SOX30: variants seen among roughly 807,000 people sequenced by gnomAD.
SOX30 encodes transcription factor SOX-30.
SOX30 carries 17 observed loss-of-function variants against 58.6 expected under a neutral mutation model. The observed-to-expected ratio is 0.29, with a 90% CI of 0.20 to 0.44. The LOEUF (loss-of-function observed/expected upper bound fraction) is 0.44, where lower values mean the gene tolerates loss of function less well. Among genes scored for constraint, SOX30 ranks in the 20% least tolerant of loss-of-function variants. The pLI, the probability that SOX30 is intolerant of heterozygous loss-of-function variation, is 1.00. For synonymous variants in SOX30, 421 were observed against 400.2 expected (o/e 1.05, Z -0.62); for missense variants, 951 against 965.8 (o/e 0.98, Z 0.20).
At chr5:157,629,968 T>C (rs1488958912) in intron 4 of SOX30, among the ~76,000 whole-genome samples, 82 of 152,200 alleles carry the variant, frequency 5.4e-4, no homozygotes, top group Non-Finnish European at 5.9e-5. Flanking sequence ...CTGATCCTTG[T>C]ATCCTTCTTA....
Position 157,666,607 on chromosome 5 carries a change from CAT to C in SOX30, c.52+1189_52+1190del, listed in dbSNP as rs538861943. ...AGCATATTAACATTTATTGAGCACT[CAT>C]GTGCCAGGTATAAGGCCCAGCTCTT... On this transcript the variant is annotated intron_variant, in intron 2 of 5. Transcript: ENST00000519442. Among the ~76,000 whole-genome samples the C allele has an allele frequency of 2.1e-3, 322 of 152,198 alleles. 2 individuals carry two copies. The highest frequency in any genetic ancestry group is 7.5e-3 in the African/African-American group (311 of 41,540).
upstream of SOX30, among the ~76,000 whole-genome samples, chr5:157,655,892 A>T (rs1307066204): frequency 1.3e-5 from 2 of 152,220 alleles, no homozygotes; most frequent in African/African-American, 4.8e-5. Flanking sequence ...TTGTTCTGTC[A>T]TAAAGAGGGG....
intron 4 of SOX30, among the ~76,000 whole-genome samples, chr5:157,627,179 T>C (rs1363264052): frequency 2.0e-5 from 3 of 151,790 alleles, no homozygotes; most frequent in Non-Finnish European, 4.4e-5. Flanking sequence ...CTGGCCAACA[T>C]AGTGAAACCC....
intron 2 of SOX30, among the ~76,000 whole-genome samples, chr5:157,665,059 A>G (rs1201458552): frequency 6.6e-6 from 1 of 152,238 alleles, no homozygotes; most frequent in Non-Finnish European, 1.5e-5. Context: ...AAGGATCTAG[A>G]ACTAGAAATA....
chr5:157,639,453 A>G (rs1759010192), intron 3 of SOX30, among the ~76,000 whole-genome samples: 1 of 152,228 alleles, frequency 6.6e-6, no homozygotes, highest in African/African-American at 2.4e-5. Flanking sequence ...TATTGTATTC[A>G]ATATGAATAC....
intron 4 of SOX30, among the ~76,000 whole-genome samples, chr5:157,629,988 G>A (rs939694635): frequency 1.1e-4 from 16 of 152,064 alleles, no homozygotes; most frequent in Non-Finnish European, 1.9e-4. Flanking sequence ...ATATAAAATA[G>A]GGATAACAAT....
chr5:157,630,951 ATT>A lies in SOX30; in HGVS notation c.1881-4232_1881-4231del, dbSNP rs1235672087. ...TATATTATATATATATACTATATAT[ATT>A]GTATATATATACACTATATATTTTT... On this transcript the variant is annotated intron_variant, in intron 4 of 4. Transcript: ENST00000265007. Among the ~76,000 whole-genome samples, 335 of 134,194 alleles carry A rather than the reference ATT, an allele frequency of 2.5e-3. 3 individuals carry two copies. The highest frequency in any genetic ancestry group is 7.8e-3 in the African/African-American group (281 of 36,022). 88.0% of individuals were successfully genotyped at this position (134,194 alleles called of 152,430 possible).
upstream of SOX30, among the ~76,000 whole-genome samples, chr5:157,656,121 T>G (rs1759469515): frequency 6.6e-6 from 1 of 152,238 alleles, no homozygotes; most frequent in Non-Finnish European, 1.5e-5. Flanking sequence ...ATTCCCATCT[T>G]AGGAGATGAG....
In SOX30 at chr5:157,652,146, T is replaced by A; in HGVS notation, c.-68A>T. 1.4e-6 allele frequency: 2 copies of A among 1,380,606 alleles called. No homozygotes were observed. Among genetic ancestry groups the A allele is most frequent in the Non-Finnish European group, 1.9e-6 (2 of 1,075,782 alleles). 85.5% of individuals were successfully genotyped at this position (1,380,606 alleles called of 1,614,324 possible). On this transcript the variant is annotated 5_prime_UTR_variant, in exon 1 of 5. In the 5' UTR this introduces an upstream ATG that the reference lacks. Transcript: ENST00000265007. ...TTGTTGGCGACCTTCCCCCTCCCCC[T>A]TTCGGTTAAGAGCCTTGCAAGGCCT... is the stretch of plus-strand genomic sequence containing the variant.
At position 157,638,219 on chromosome 5, in the gene SOX30, T is replaced by C. The variant is rs764986840; in HGVS notation, c.1880+11A>G. On this transcript the variant is annotated intron_variant, in intron 4 of 4. Coordinates refer to ENST00000265007, the MANE Select transcript of SOX30 (RefSeq NM_178424.2). Reference sequence around the variant, plus strand: ...AATGTTTAGGTAAAAGGAAAAAAAATGTTAATTTACCTTGATGGGAAGTAG... The same window carrying C: ...AATGTTTAGGTAAAAGGAAAAAAAACGTTAATTTACCTTGATGGGAAGTAG... 6.7e-7 allele frequency: 1 copy of C among 1,503,296 alleles called. No individual in the cohort carries two copies. The highest frequency in any genetic ancestry group is 8.9e-7 in the Non-Finnish European group (1 of 1,125,904). 93.1% of individuals were successfully genotyped at this position (1,503,296 alleles called of 1,614,324 possible). A position where few individuals can be genotyped will look rare whatever the true frequency, so the allele number is the denominator to read the frequency against.
At chr5:157,670,915 T>C (rs1436856635) in intron 1 of SOX30, among the ~76,000 whole-genome samples, 1 of 152,116 alleles carries the variant, frequency 6.6e-6, no homozygotes, top group African/African-American at 2.4e-5. Context: ...TATTAGGTTA[T>C]AAACGTGGAA....
Position 157,647,061 on chromosome 5 carries a change from ATTTTT to A in SOX30, c.1208-250_1208-246del, listed in dbSNP as rs33962778. On this transcript the variant is annotated intron_variant, in intron 2 of 4. Coordinates refer to ENST00000265007, the MANE Select transcript of SOX30 (RefSeq NM_178424.2). ...TCATCATTGAAAAGAAGAGGGTCAAATTTTTTTTTTTTTTTTTTGAGACGGAGTCT... is the reference window on the plus strand; with the variant it reads ...TCATCATTGAAAAGAAGAGGGTCAAATTTTTTTTTTTTTGAGACGGAGTCT... 5.2e-5 allele frequency among the ~76,000 whole-genome samples: 7 copies of A among 134,542 alleles called. No individual in the cohort carries two copies. The South Asian group carries it at 7.1e-4, about 14-fold the overall frequency. 88.3% of individuals were successfully genotyped at this position (134,542 alleles called of 152,430 possible).
chr5:157,638,721 A>C lies in SOX30; in HGVS notation c.1389T>G (p.Gly463=). 1 of 1,584,108 alleles carries C rather than the reference A, an allele frequency of 6.3e-7. No homozygotes were observed. Among genetic ancestry groups the C allele is most frequent in the Non-Finnish European group, 8.6e-7 (1 of 1,166,322 alleles). ...GCAGCTGGATAGCAGGTGAGGTTTCACCTTTAGAAATAAAAATAGCATAAA... is the reference window on the plus strand; with the variant it reads ...GCAGCTGGATAGCAGGTGAGGTTTCCCCTTTAGAAATAAAAATAGCATAAA... ...SLQNPITHPV[G]ETSPAIQLPT... The change falls in exon 4 of 5, where the codon GGT becomes GGG. Residue 463 remains glycine (G), a splice_region_variant and synonymous_variant. Coordinates refer to ENST00000265007, the MANE Select transcript of SOX30 (RefSeq NM_178424.2).
At chr5:157,642,641 AAAAT>A (rs539202197) in intron 3 of SOX30, among the ~76,000 whole-genome samples, 10 of 152,088 alleles carry the variant, frequency 6.6e-5, no homozygotes, top group African/African-American at 1.7e-4. Context: ...AACTGGCAAA[AAAAT>A]AAATAAATAA....
At chr5:157,629,016 T>C (rs1245404285) in intron 4 of SOX30, among the ~76,000 whole-genome samples, 3 of 152,102 alleles carry the variant, frequency 2.0e-5, no homozygotes, top group African/African-American at 7.2e-5. Context: ...CCACAGATAA[T>C]TCAGGGATGA....
intron 4 of SOX30, among the ~76,000 whole-genome samples, chr5:157,636,708 A>C (rs935223220): frequency 1.3e-5 from 2 of 152,214 alleles, no homozygotes; most frequent in Non-Finnish European, 2.9e-5. Context: ...ATTGAGGTGT[A>C]GGTATACCCT....
rs76962604 is a variant in SOX30, at chr5:157,668,869, G to A, written c.-3-1017C>T. On this transcript the variant is annotated intron_variant, in intron 1 of 5. Coordinates refer to the SOX30 transcript ENST00000519442. ...GAGCCTGGGAGTAGGAAGGTGACTT[G>A]CCAAGGTCAGGTAAGGAATTAGTGG... is the stretch of plus-strand genomic sequence containing the variant. 2.4e-3 allele frequency among the ~76,000 whole-genome samples: 363 copies of A among 152,184 alleles called. 3 individuals carry two copies. The highest frequency in any genetic ancestry group is 8.5e-3 in the African/African-American group (351 of 41,538).
At position 157,632,936 on chromosome 5, in the gene SOX30, A is replaced by T. The variant is rs147030473; in HGVS notation, c.1880+5294T>A. The stretch of plus-strand genomic sequence containing the variant: ...AAACTCAGTCTCCACTAAAAATACA[A>T]AAATTAGCCAGGCATGGTAGCATGT... On this transcript the variant is annotated intron_variant, in intron 4 of 4. Transcript: ENST00000265007. Among the ~76,000 whole-genome samples the T allele has an allele frequency of 1.5e-4, 23 of 152,208 alleles. No individual in the cohort carries two copies. The East Asian group carries it at 4.3e-3, about 28-fold the overall frequency.
At chr5:157,658,512 A>G (rs1016411721) in intron 2 of SOX30, among the ~76,000 whole-genome samples, 1 of 152,220 alleles carries the variant, frequency 6.6e-6, no homozygotes. Context: ...TTCTGAGCAC[A>G]CTTATGAATC....
Sources: gnomAD v4.1 joint callset for allele counts (sites outside exome capture counted in the v4.1 genomes callset) on GRCh38, gnomAD v4.1.1 for gene constraint, MANE v1.5 for transcripts, NCBI Gene and HGNC (gene_info 2026-07-23, HGNC 2026-07-21) for gene names.